DMD: variants seen among roughly 807,000 people sequenced by gnomAD.
DMD encodes dystrophin.
Under a neutral mutation model 330.1 loss-of-function variants are expected in DMD, and 63 were observed. That is an observed-to-expected ratio of 0.19 (90% CI 0.16 to 0.24). DMD has a LOEUF of 0.24. Among genes scored for constraint, DMD ranks in the 10% least tolerant of loss-of-function variants. DMD has a pLI of 1.00. For missense variants in DMD, 3,344 were observed against 2,684.1 expected (o/e 1.25, Z -5.43); for synonymous variants, 1,223 against 959.8 (o/e 1.27, Z -5.07).
chrX:32,394,899 A>G (rs1415939496), intron 30 of DMD, among the ~76,000 whole-genome samples: 1 of 84,393 alleles, frequency 1.2e-5, no homozygotes, highest in Non-Finnish European at 2.3e-5. Context: ...GTCAAAGAAG[A>G]GCAAAAAACA....
intron 48 of DMD, among the ~76,000 whole-genome samples, chrX:31,847,914 G>A (rs2093455493): frequency 8.9e-6 from 1 of 111,748 alleles, no homozygotes; most frequent in Admixed American, 9.5e-5. Context: ...CACAGATGCT[G>A]CAATTGAGAG....
chrX:32,687,599 C>T (rs772329434), intron 9 of DMD, among the ~76,000 whole-genome samples: 28 of 111,166 alleles, frequency 2.5e-4, no homozygotes, highest in Non-Finnish European at 5.1e-4. Flanking sequence ...ATACATGTTC[C>T]AGCCAACTGC....
At chrX:32,187,083 A>G (rs764700045) in intron 44 of DMD, among the ~76,000 whole-genome samples, 2 of 110,471 alleles carry the variant, frequency 1.8e-5, no homozygotes, top group Non-Finnish European at 3.8e-5. Context: ...GCCATCCAAG[A>G]AAAAAAATAA....
chrX:31,360,064 T>A (rs745669639), intron 60 of DMD, among the ~76,000 whole-genome samples: 3 of 110,286 alleles, frequency 2.7e-5, no homozygotes, highest in Non-Finnish European at 5.7e-5. Context: ...AGCAATTTTT[T>A]TTTTTTTGGC....
chrX:32,733,228 A>G (rs2067963602), intron 7 of DMD, among the ~76,000 whole-genome samples: 1 of 111,392 alleles, frequency 9.0e-6, no homozygotes, highest in South Asian at 3.8e-4. Context: ...CTAAATATAT[A>G]TGCACCCAAC....
At chrX:32,232,434 C>A (rs1262450758) in intron 43 of DMD, among the ~76,000 whole-genome samples, 1 of 111,054 alleles carries the variant, frequency 9.0e-6, no homozygotes, top group Non-Finnish European at 1.9e-5. Context: ...CCACTCCTAC[C>A]CACTCCCTAG....
intron 12 of DMD, 22 bp from the exon 13 acceptor site, chrX:32,595,898 A>G: frequency 8.6e-7 from 1 of 1,157,644 alleles, no homozygotes; most frequent in Non-Finnish European, 1.2e-6. Context: ...AATGTTTTAA[A>G]GGAAATTAAA....
chrX:31,203,186 G>A (rs1228804151), intron 67 of DMD, among the ~76,000 whole-genome samples: 1 of 106,696 alleles, frequency 9.4e-6, no homozygotes, highest in African/African-American at 3.4e-5. Context: ...GGAGGCTGAG[G>A]TAGCAGAATC....
intron 56 of DMD, among the ~76,000 whole-genome samples, chrX:31,505,965 C>T (rs1444926059): frequency 9.0e-6 from 1 of 111,445 alleles, no homozygotes; most frequent in African/African-American, 3.3e-5. Flanking sequence ...TTGTATCTTC[C>T]ACTTGCTAAG....
At chrX:32,165,803 G>A (rs1479242409) in intron 44 of DMD, among the ~76,000 whole-genome samples, 1 of 111,074 alleles carries the variant, frequency 9.0e-6, no homozygotes, top group Admixed American at 9.5e-5. Flanking sequence ...GAGGCTATGT[G>A]GAGGTAATTG....
At position 31,414,486 on chromosome X, in the gene DMD, A is replaced by G. The variant is rs756529786; in HGVS notation, c.9084+29995T>C. 6.2e-5 allele frequency among the ~76,000 whole-genome samples: 7 copies of G among 112,271 alleles called. No individual in the cohort carries two copies. In the South Asian group the frequency reaches 2.6e-3, roughly 41 times the overall value. On this transcript the variant is annotated intron_variant, in intron 60 of 78. Transcript: ENST00000357033. ...ATTCAAAAATCATTTTTCCTCAAAG[A>G]GTAAGGGTGAAAAATTGTAAGGACT...
intron 76 of DMD, among the ~76,000 whole-genome samples, chrX:31,135,901 C>T (rs193077993): frequency 2.4e-3 from 270 of 112,002 alleles, no homozygotes; most frequent in African/African-American, 8.2e-3. Context: ...GGAACTGCTT[C>T]GGAAGCCAGT....
chrX:32,282,087 C>T (rs1362939204), intron 43 of DMD, among the ~76,000 whole-genome samples: 1 of 111,866 alleles, frequency 8.9e-6, no homozygotes, highest in Non-Finnish European at 1.9e-5. Context: ...AGTCTAGAAA[C>T]TGCCTTCATT....
chrX:31,422,519 C>T (rs2178617), intron 60 of DMD, among the ~76,000 whole-genome samples: 29,588 of 111,112 alleles, frequency 0.27, 4,832 homozygotes, highest in African/African-American at 0.6. Context: ...GTGTTTAAAA[C>T]CTCCCATGCT....
At chrX:32,675,653 T>A (rs1463516750) in intron 9 of DMD, among the ~76,000 whole-genome samples, 1 of 111,332 alleles carries the variant, frequency 9.0e-6, no homozygotes, top group East Asian at 2.8e-4. Flanking sequence ...AGCATACAGG[T>A]TAATAGAATC....
intron 49 of DMD, among the ~76,000 whole-genome samples, chrX:31,828,599 G>A (rs2092945011): frequency 9.4e-6 from 1 of 106,286 alleles, no homozygotes; most frequent in Admixed American, 1.0e-4. Context: ...GGAAGGTGGA[G>A]GTTGCAGTGA....
At chrX:31,739,238 TATAAAA>T (rs376461980) in intron 51 of DMD, among the ~76,000 whole-genome samples, 256 of 111,299 alleles carry the variant, frequency 2.3e-3, no homozygotes, top group African/African-American at 7.6e-3. Flanking sequence ...AACTTAAAAA[TATAAAA>T]ATAAAACAAA....
At chrX:31,700,545 T>TA (rs1383195978) in intron 52 of DMD, among the ~76,000 whole-genome samples, 1 of 111,778 alleles carries the variant, frequency 8.9e-6, no homozygotes, top group African/African-American at 3.3e-5. Flanking sequence ...CATAGGGAAG[T>TA]ATGTATTGCT....
chrX:32,952,347 T>TG (rs1307814220), intron 2 of DMD, among the ~76,000 whole-genome samples: 1 of 110,735 alleles, frequency 9.0e-6, no homozygotes, highest in Non-Finnish European at 1.9e-5. Context: ...TTGGTCAGGC[T>TG]GGTCTTGAAC....
Sources: allele counts gnomAD v4.1 joint callset (sites outside exome capture counted in the v4.1 genomes callset), GRCh38; gene constraint gnomAD v4.1.1; transcripts MANE v1.5; gene names NCBI Gene and HGNC (gene_info 2026-07-23, HGNC 2026-07-21).